The following SLC9A4 variants were observed in gnomAD, a reference collection of about 807,000 sequenced individuals.
The protein encoded by SLC9A4 is solute carrier family 9 member A4.
A neutral mutation model predicts 67.4 loss-of-function variants in SLC9A4; 63 were observed. The ratio of observed to expected loss-of-function variants is 0.93; its 90% CI spans 0.76 to 1.15. SLC9A4 has a LOEUF of 1.15. SLC9A4 is among the 50% of genes most tolerant of loss of function. The pLI, the probability that SLC9A4 is intolerant of heterozygous loss-of-function variation, is 0.00. For missense variants in SLC9A4, 1,089 were observed against 987.7 expected, an observed-to-expected ratio of 1.10 and a Z score of -1.38; for synonymous variants, 393 against 367.2, an observed-to-expected ratio of 1.07 and a Z score of -0.80.
At chr2:102,518,168 T>G (rs1230476501) in intron 8 of SLC9A4, among the ~76,000 whole-genome samples, 1 of 152,202 alleles carries the variant, frequency 6.6e-6, no homozygotes, top group Non-Finnish European at 1.5e-5. Context: ...AGAGCTTGAA[T>G]GGATTTTAAC....
intron 7 of SLC9A4, among the ~76,000 whole-genome samples, chr2:102,512,559 G>T (rs750351806): frequency 1.3e-5 from 2 of 152,088 alleles, no homozygotes; most frequent in Admixed American, 6.5e-5. Context: ...CAAGGACAAG[G>T]TTCCCAATGA....
intron 11 of SLC9A4, among the ~76,000 whole-genome samples, chr2:102,531,619 C>T (rs1475846597): frequency 6.6e-6 from 1 of 152,186 alleles, no homozygotes; most frequent in Non-Finnish European, 1.5e-5. Context: ...ACCTCAGCCA[C>T]TTTACCTGTG....
chr2:102,516,529 A>G (rs116804857), intron 8 of SLC9A4, among the ~76,000 whole-genome samples: 5 of 152,278 alleles, frequency 3.3e-5, no homozygotes, highest in East Asian at 1.9e-4. Context: ...CAAAATGCAC[A>G]GGTATTTTTT....
chr2:102,490,962 A>T (rs1445703630), intron 2 of SLC9A4, among the ~76,000 whole-genome samples: 1 of 152,194 alleles, frequency 6.6e-6, no homozygotes, highest in Admixed American at 6.5e-5. Context: ...GTGCTGGAGG[A>T]AAGAGAGATT....
chr2:102,520,111 G>GA (rs1685374353), intron 9 of SLC9A4, among the ~76,000 whole-genome samples, 156 bp downstream of exon 9: 2 of 152,196 alleles, frequency 1.3e-5, no homozygotes, highest in African/African-American at 2.4e-5. Context: ...TTGGAGAATA[G>GA]AAAGTTAATT....
chr2:102,516,340 T>G (rs1685277331), intron 8 of SLC9A4, among the ~76,000 whole-genome samples: 1 of 152,214 alleles, frequency 6.6e-6, no homozygotes. Context: ...AATACATATT[T>G]AGTATTTAAA....
In SLC9A4 at chr2:102,533,482, T is replaced by G. The variant is rs1489871751; in HGVS notation, c.*794T>G. On this transcript the variant is annotated 3_prime_UTR_variant, in exon 12 of 12. Transcript: ENST00000295269. ...TTACCCTAGGGTATAAAACTATTTT[T>G]CTTTTATTATTATTATTATTATTAT... 1 of 151,080 alleles carries G rather than the reference T, an allele frequency of 6.6e-6. No homozygotes were observed. Among genetic ancestry groups the G allele is most frequent in the African/African-American group, 2.5e-5 (1 of 40,600 alleles). 9.4% of individuals were successfully genotyped at this position (151,080 alleles called of 1,614,324 possible). A position where few individuals can be genotyped will look rare whatever the true frequency, so the allele number is the denominator to read the frequency against.
At chr2:102,494,638 T>A (rs1409672512) in intron 2 of SLC9A4, among the ~76,000 whole-genome samples, 1 of 152,022 alleles carries the variant, frequency 6.6e-6, no homozygotes, top group Non-Finnish European at 1.5e-5. Flanking sequence ...AGTAAATGGA[T>A]GCAAAAAGAT....
At chr2:102,525,804 T>C (rs1674652042) in intron 10 of SLC9A4, among the ~76,000 whole-genome samples, 1 of 152,116 alleles carries the variant, frequency 6.6e-6, no homozygotes, top group African/African-American at 2.4e-5. Context: ...ACTGGCGTGT[T>C]CTGCTTTCTC....
intron 2 of SLC9A4, among the ~76,000 whole-genome samples, chr2:102,481,027 C>A (rs1198617977): frequency 6.6e-6 from 1 of 152,076 alleles, no homozygotes; most frequent in Non-Finnish European, 1.5e-5. Context: ...TTGGCAGGGA[C>A]CTAAGACCTT....
In SLC9A4 at chr2:102,508,123, C is replaced by G; in HGVS notation, c.1243C>G (p.Pro415Ala). 6.2e-7 allele frequency: 1 copy of G among 1,614,120 alleles called. No homozygotes were observed. Among genetic ancestry groups the G allele is most frequent in the African/African-American group, 1.3e-5 (1 of 75,006 alleles). The change falls in exon 5 of 12, where the codon CCC becomes GCC. Residue 415 changes from proline to alanine, a missense_variant. Pro to Ala is a conservative substitution (Grantham distance 27). Coordinates refer to ENST00000295269, the MANE Select transcript of SLC9A4 (RefSeq NM_001011552.4). ...TATCAGTAACCAGTTTCGGACTTTC[C>G]CCTTCTCCATCAAGGACCAGTGCAT... is the stretch of plus-strand genomic sequence containing the variant. ...FYISNQFRTF[P>A]FSIKDQCIIF...
chr2:102,500,092 C>T (rs1394215970), intron 2 of SLC9A4, among the ~76,000 whole-genome samples: 1 of 152,164 alleles, frequency 6.6e-6, no homozygotes, highest in South Asian at 2.1e-4. Flanking sequence ...TACAGTTATC[C>T]TTATTGAAGG....
intron 2 of SLC9A4, among the ~76,000 whole-genome samples, chr2:102,482,983 G>C (rs1347787605): frequency 6.6e-6 from 1 of 152,222 alleles, no homozygotes; most frequent in African/African-American, 2.4e-5. Flanking sequence ...TTCACATGGA[G>C]AGCCAACTCT....
chr2:102,491,061 C>A (rs1684687961), intron 2 of SLC9A4, among the ~76,000 whole-genome samples: 1 of 152,104 alleles, frequency 6.6e-6, no homozygotes. Flanking sequence ...GTAATTCTTT[C>A]TTGAGAAAAA....
At chr2:102,517,699 A>T (rs1167695490) in intron 8 of SLC9A4, among the ~76,000 whole-genome samples, 1 of 152,356 alleles carries the variant, frequency 6.6e-6, no homozygotes, top group Admixed American at 6.5e-5. Context: ...TATCACATAC[A>T]CCCCAAAACT....
intron 9 of SLC9A4, among the ~76,000 whole-genome samples, chr2:102,521,241 C>T (rs1269748569): frequency 1.3e-5 from 2 of 152,180 alleles, no homozygotes; most frequent in East Asian, 3.8e-4. Context: ...GGACTCTAAT[C>T]CAGTCTCAAA....
chr2:102,474,754 C>T (rs1000216993), intron 1 of SLC9A4, among the ~76,000 whole-genome samples: 2 of 152,154 alleles, frequency 1.3e-5, no homozygotes, highest in East Asian at 1.9e-4. Context: ...TCTTTAAAAC[C>T]AGCTTATTCT....
At chr2:102,482,599 T>C (rs898222462) in intron 2 of SLC9A4, among the ~76,000 whole-genome samples, 6 of 152,172 alleles carry the variant, frequency 3.9e-5, no homozygotes, top group Admixed American at 3.9e-4. Context: ...ATGTGTCCAT[T>C]TCCTAGTTCA....
chr2:102,504,226 G>T (rs1685003153), intron 3 of SLC9A4, among the ~76,000 whole-genome samples: 1 of 152,072 alleles, frequency 6.6e-6, no homozygotes, highest in Admixed American at 6.5e-5. Context: ...CTAATTTTTT[G>T]TATTTTTAGT....
Sources: gnomAD v4.1 joint callset for allele counts (sites outside exome capture counted in the v4.1 genomes callset) on GRCh38, gnomAD v4.1.1 for gene constraint, MANE v1.5 for transcripts, NCBI Gene and HGNC (gene_info 2026-07-23, HGNC 2026-07-21) for gene names.